Variants in PACSIN2 observed in about 807,000 individuals in gnomAD.
PACSIN2 encodes protein kinase C and casein kinase substrate in neurons 2.
Under a neutral mutation model 63.8 loss-of-function variants are expected in PACSIN2, and 25 were observed. The observed-to-expected ratio is 0.39, with a 90% CI of 0.29 to 0.55. PACSIN2 has a LOEUF of 0.55. PACSIN2 is among the 20% of genes least tolerant of loss of function. The probability of loss-of-function intolerance (pLI) is 0.62; values close to 1 mark genes in which losing one functional copy is unlikely to be tolerated. For synonymous variants in PACSIN2, 255 were observed against 256.2 expected, an observed-to-expected ratio of 1.00 and a Z score of 0.05; for missense variants, 518 against 646.9, an observed-to-expected ratio of 0.80 and a Z score of 2.16.
intron 1 of PACSIN2, among the ~76,000 whole-genome samples, chr22:42,997,349 G>A (rs1370260685): frequency 6.6e-6 from 1 of 152,188 alleles, no homozygotes; most frequent in Non-Finnish European, 1.5e-5. Context: ...ACAAGGTCAG[G>A]AGATTGAGAC....
intron 1 of PACSIN2, among the ~76,000 whole-genome samples, chr22:42,966,362 T>TA (rs775584167): frequency 0.027 from 3,629 of 132,066 alleles, 123 homozygotes; most frequent in African/African-American, 0.085. Flanking sequence ...AGACTGCATC[T>TA]AAAAAAAAAA....
chr22:42,984,577 G>A (rs1348762832), intron 1 of PACSIN2, among the ~76,000 whole-genome samples: 3 of 152,132 alleles, frequency 2.0e-5, no homozygotes, highest in Admixed American at 6.5e-5. Context: ...CCAGGCCAGC[G>A]GGTTGACAAC....
chr22:42,898,851 C>T (rs577514001), intron 2 of PACSIN2, among the ~76,000 whole-genome samples: 3 of 152,324 alleles, frequency 2.0e-5, no homozygotes, highest in South Asian at 2.1e-4. Context: ...GGAATCTCAA[C>T]CATCCCTGTG....
At chr22:42,887,409 C>CA (rs933986616) in intron 5 of PACSIN2, among the ~76,000 whole-genome samples, 1 of 152,198 alleles carries the variant, frequency 6.6e-6, no homozygotes, top group Non-Finnish European at 1.5e-5. Flanking sequence ...TCCTCATTCA[C>CA]AAAACAGGGA....
At chr22:42,963,549 T>C (rs1920930956) in intron 1 of PACSIN2, among the ~76,000 whole-genome samples, 1 of 152,190 alleles carries the variant, frequency 6.6e-6, no homozygotes, top group South Asian at 2.1e-4. Context: ...CCTTTTGTTA[T>C]ATGATTGTCG....
At chr22:43,006,615 G>A (rs1295340915) in intron 1 of PACSIN2, among the ~76,000 whole-genome samples, 4 of 152,186 alleles carry the variant, frequency 2.6e-5, no homozygotes, top group Admixed American at 2.0e-4. Context: ...AGGAGTTTGA[G>A]ACCAGCCTGG....
At chr22:42,979,284 G>A (rs1297665772) in intron 1 of PACSIN2, among the ~76,000 whole-genome samples, 2 of 152,144 alleles carry the variant, frequency 1.3e-5, no homozygotes, top group Admixed American at 6.5e-5. Flanking sequence ...AGCACTTTGG[G>A]AGGCAGAGGC....
In PACSIN2 at chr22:42,871,290, C is replaced by A; in HGVS notation, c.*67G>T. On this transcript the variant is annotated 3_prime_UTR_variant, in exon 11 of 11. Transcript: ENST00000263246. The surrounding 1 kb of genome is among the most constrained non-coding windows in gnomAD (Gnocchi z 5.4). ...TCTCTTGCAGGAAAAGGAGTGGATG[C>A]CCACGTGGCTGGCTGAGGCTCCTGG... 1.1e-6 allele frequency: 1 copy of A among 922,024 alleles called. No homozygotes were observed. The highest frequency in any genetic ancestry group is 1.8e-6 in the Non-Finnish European group (1 of 552,806). 57.1% of individuals were successfully genotyped at this position (922,024 alleles called of 1,614,324 possible). A position where few individuals can be genotyped will look rare whatever the true frequency, so the allele number is the denominator to read the frequency against.
chr22:42,976,401 G>C (rs1921706761), intron 1 of PACSIN2, among the ~76,000 whole-genome samples: 1 of 152,214 alleles, frequency 6.6e-6, no homozygotes, highest in Admixed American at 6.5e-5. Context: ...AGGCAACACT[G>C]GCCAGCCCAG....
At chr22:42,964,399 C>A (rs1411054394) in intron 1 of PACSIN2, among the ~76,000 whole-genome samples, 1 of 140,876 alleles carries the variant, frequency 7.1e-6, no homozygotes, top group African/African-American at 2.7e-5. Context: ...GCCTGGGCGA[C>A]AGAGCGAGAC....
intron 2 of PACSIN2, among the ~76,000 whole-genome samples, chr22:42,893,831 C>G (rs921006295): frequency 1.3e-5 from 2 of 152,080 alleles, no homozygotes; most frequent in Non-Finnish European, 2.9e-5. Flanking sequence ...ACGGGGGCTT[C>G]TCAATGTTCT....
chr22:42,983,964 CTTTT>C (rs532427677), intron 1 of PACSIN2, among the ~76,000 whole-genome samples: 49,611 of 103,848 alleles, frequency 0.48, 9,978 homozygotes, highest in East Asian at 0.71. Context: ...GCACTTAGCA[CTTTT>C]TTTTTTTTTT....
chr22:42,882,456 G>T, intron 6 of PACSIN2, 152 bp from the exon 7 acceptor site: 1 of 810,686 alleles, frequency 1.2e-6, no homozygotes, highest in Non-Finnish European at 1.9e-6. Flanking sequence ...TGGCTCAGGT[G>T]GAAGGTCACG....
At chr22:42,873,349 A>C (rs2146620292) in intron 10 of PACSIN2, among the ~76,000 whole-genome samples, 1 of 152,372 alleles carries the variant, frequency 6.6e-6, no homozygotes, top group South Asian at 2.1e-4. Flanking sequence ...AAACTGGATG[A>C]AGATGGCTTA....
intron 1 of PACSIN2, among the ~76,000 whole-genome samples, chr22:42,917,090 A>G (rs1404566262): frequency 6.6e-6 from 1 of 152,106 alleles, no homozygotes; most frequent in Non-Finnish European, 1.5e-5. Flanking sequence ...CGCCCCATGC[A>G]CTACACGCGT....
intron 6 of PACSIN2, 95 bp downstream of exon 6, chr22:42,884,291 G>A (rs1030611260): frequency 2.1e-4 from 239 of 1,165,500 alleles, no homozygotes; most frequent in Non-Finnish European, 1.7e-4. Context: ...TGATGAACGC[G>A]CCATCCCAAA....
chr22:42,943,076 T>C (rs1266186925), intron 1 of PACSIN2, among the ~76,000 whole-genome samples: 1 of 152,246 alleles, frequency 6.6e-6, no homozygotes, highest in Non-Finnish European at 1.5e-5. Context: ...ATTTCAACAA[T>C]GTTTTGTAAT....
intron 2 of PACSIN2, among the ~76,000 whole-genome samples, chr22:42,900,364 A>G (rs561745263): frequency 1.3e-5 from 2 of 152,386 alleles, no homozygotes; most frequent in East Asian, 3.9e-4. Context: ...GCGTCATAAT[A>G]GAGCATCCCA....
chr22:42,953,524 C>A (rs1250986209), intron 1 of PACSIN2, among the ~76,000 whole-genome samples: 1 of 152,124 alleles, frequency 6.6e-6, no homozygotes, highest in African/African-American at 2.4e-5. Context: ...CATTAACAAA[C>A]CATTAAATGG....
Sources: gnomAD v4.1 joint callset for allele counts (sites outside exome capture counted in the v4.1 genomes callset) on GRCh38, gnomAD v4.1.1 for gene constraint, Gnocchi (gnomAD v3.1) non-coding constraint, MANE v1.5 for transcripts, NCBI Gene and HGNC (gene_info 2026-07-23, HGNC 2026-07-21) for gene names.